The following CEP290 variants were observed in gnomAD, a reference collection of about 807,000 sequenced individuals.
CEP290 encodes the protein centrosomal protein of 290 kDa.
Under a neutral mutation model 344.9 loss-of-function variants are expected in CEP290, and 317 were observed. The observed-to-expected ratio is 0.92, with a 90% CI of 0.84 to 1.01. The LOEUF (loss-of-function observed/expected upper bound fraction) is 1.01. Ranked by LOEUF, CEP290 falls within the 50% of genes least tolerant of loss-of-function variation. CEP290 has a pLI of 0.00. For missense variants in CEP290, 2,754 were observed against 2,761.4 expected, an observed-to-expected ratio of 1.00 and a Z score of 0.06; for synonymous variants, 932 against 895.8, an observed-to-expected ratio of 1.04 and a Z score of -0.72.
In CEP290 at chr12:88,141,240, T is replaced by A. The variant is rs757919599; in HGVS notation, c.68A>T (p.Glu23Val). ...GGAAATCAATAAATTATCTGCCAGT[T>A]CTTCTTGACGGGGCAGGTCATCTGG... ...VDPDDLPRQE[E>V]LADNLLISLS... is the part of the protein sequence containing the mutation. Residue 23 changes from glutamate to valine, a missense_variant, in exon 2 of 54, where the codon GAA becomes GTA. Coordinates refer to ENST00000552810, the MANE Select transcript of CEP290 (RefSeq NM_025114.4). 1.6e-5 allele frequency: 25 copies of A among 1,610,856 alleles called. No individual in the cohort carries two copies. Among genetic ancestry groups the A allele is most frequent in the Non-Finnish European group, 1.7e-6 (2 of 1,178,926 alleles).
rs181802976 is a variant in CEP290 at position 88,094,726 on chromosome 12, C to T, written c.3104-751G>A. Among the ~76,000 whole-genome samples, 652 of 151,792 alleles carry T rather than the reference C, an allele frequency of 4.3e-3. 5 individuals are homozygous for T. Among genetic ancestry groups the T allele is most frequent in the Admixed American group, 8.9e-3 (135 of 15,238 alleles). On this transcript the variant is annotated intron_variant, in intron 27 of 53. Coordinates refer to ENST00000552810, the MANE Select transcript of CEP290 (RefSeq NM_025114.4). ...TTGTAAACATGGTCTAGAAAAAAAA[C>T]AAAATTTGGTAGAGTGTTTTGCTTT...
intron 10 of CEP290, among the ~76,000 whole-genome samples, 163 bp from the exon 11 acceptor site, chr12:88,129,198 G>A (rs1429577783): frequency 6.6e-6 from 1 of 151,574 alleles, no homozygotes; most frequent in Admixed American, 6.6e-5. Context: ...CATTACATAT[G>A]TGTATTTATC....
At chr12:88,134,442 T>C (rs1316729669) in intron 6 of CEP290, among the ~76,000 whole-genome samples, 1 of 152,216 alleles carries the variant, frequency 6.6e-6, no homozygotes, top group Non-Finnish European at 1.5e-5. Context: ...ACTTTTAAAG[T>C]ATAGATCTGA....
rs527259626 is a variant in CEP290, at chr12:88,082,109, T to C, written c.5012+922A>G. ...GGAATTATAAGTCAAGCAGTTCAAT[T>C]TTCTCATGTTTTTTCAGATAATAAA... is the stretch of plus-strand genomic sequence containing the variant. On this transcript the variant is annotated intron_variant, in intron 37 of 53. Coordinates refer to ENST00000552810, the MANE Select transcript of CEP290 (RefSeq NM_025114.4). 1.4e-4 allele frequency among the ~76,000 whole-genome samples: 22 copies of C among 152,286 alleles called. No homozygotes were observed. In the South Asian group the frequency reaches 3.1e-3, roughly 22 times the overall value.
intron 46 of CEP290, 37 bp downstream of exon 46, chr12:88,062,655 T>C (rs1169798979): frequency 7.0e-7 from 1 of 1,427,818 alleles, no homozygotes; most frequent in Non-Finnish European, 9.8e-7. Flanking sequence ...TTATCACTGC[T>C]GAAACCAAAA....
chr12:88,055,527 G>C, intron 50 of CEP290, 49 bp downstream of exon 50: 1 of 1,460,998 alleles, frequency 6.8e-7, no homozygotes, highest in East Asian at 2.4e-5. Flanking sequence ...GGAACATCTT[G>C]CGATATTATG....
At chr12:88,073,778 A>C (rs188434009) in intron 41 of CEP290, among the ~76,000 whole-genome samples, 8 of 152,302 alleles carry the variant, frequency 5.3e-5, no homozygotes, top group African/African-American at 1.9e-4. Context: ...AAAATTAAAA[A>C]AATATGAAAT....
intron 26 of CEP290, among the ~76,000 whole-genome samples, chr12:88,100,829 AAAC>A (rs1337280485): frequency 6.6e-6 from 1 of 152,232 alleles, no homozygotes; most frequent in African/African-American, 2.4e-5. Flanking sequence ...TCACTGAGCA[AAAC>A]AACTGGAAGA....
rs543969250 is a variant in CEP290 at position 88,055,344 on chromosome 12, A to G, written c.6960+232T>C. On this transcript the variant is annotated intron_variant, in intron 50 of 53. Coordinates refer to ENST00000552810, the MANE Select transcript of CEP290 (RefSeq NM_025114.4). Reference sequence around the variant, plus strand: ...ACCAAGAAGTGGTCATATTTAGGATATAGTTTGAAAATAGAGCTGACATGA... The same window carrying G: ...ACCAAGAAGTGGTCATATTTAGGATGTAGTTTGAAAATAGAGCTGACATGA... Among the ~76,000 whole-genome samples the G allele has an allele frequency of 8.5e-5, 13 of 152,240 alleles. 1 individual carries two copies. In the South Asian group the frequency reaches 2.1e-3, roughly 24 times the overall value.
At chr12:88,105,824 C>T (rs553806711) in intron 25 of CEP290, among the ~76,000 whole-genome samples, 1 of 152,138 alleles carries the variant, frequency 6.6e-6, no homozygotes, top group Non-Finnish European at 1.5e-5. Context: ...CTCACTGCAG[C>T]CCCCAACTTC....
In CEP290 at chr12:88,054,332, T is replaced by C. The variant is rs1209334887; in HGVS notation, c.7034+8A>G. The stretch of plus-strand genomic sequence containing the variant: ...AAAACAAAGTAGTCATATGAATACA[T>C]GATGTACCTAAGAACTTGAAGCTCC... On this transcript the variant is annotated splice_region_variant and intron_variant, in intron 51 of 53. Transcript: ENST00000552810. 2 of 1,578,308 alleles carry C rather than the reference T, an allele frequency of 1.3e-6. No homozygotes were observed. Among genetic ancestry groups the C allele is most frequent in the Non-Finnish European group, 1.7e-6 (2 of 1,157,252 alleles).
At chr12:88,053,111 C>T (rs1366569245) in intron 52 of CEP290, among the ~76,000 whole-genome samples, 2 of 151,954 alleles carry the variant, frequency 1.3e-5, no homozygotes, top group African/African-American at 2.4e-5. Context: ...AGGATATGTA[C>T]ATTGTACATA....
At chr12:88,124,505 C>T (rs536246325) in intron 13 of CEP290, among the ~76,000 whole-genome samples, 3 of 152,148 alleles carry the variant, frequency 2.0e-5, no homozygotes, top group African/African-American at 7.2e-5. Flanking sequence ...TGCACGGAAT[C>T]ACTATTTCTT....
chr12:88,050,334 A>G lies in CEP290; in HGVS notation c.7209+20T>C. ...ACAGCTGTTTTCACAAAACGATACT[A>G]AAATATAATTAAATATTACCTTCAA... On this transcript the variant is annotated intron_variant, in intron 53 of 53. Transcript: ENST00000552810. 7.9e-7 allele frequency: 1 copy of G among 1,271,900 alleles called. No homozygotes were observed. Among genetic ancestry groups the G allele is most frequent in the Non-Finnish European group, 1.1e-6 (1 of 889,192 alleles). 78.8% of individuals were successfully genotyped at this position (1,271,900 alleles called of 1,614,324 possible).
At chr12:88,121,783 T>C (rs2137934518) in intron 13 of CEP290, among the ~76,000 whole-genome samples, 1 of 152,206 alleles carries the variant, frequency 6.6e-6, no homozygotes, top group South Asian at 2.1e-4. Flanking sequence ...ATAGGGGATA[T>C]TTGAGCATCT....
intron 50 of CEP290, among the ~76,000 whole-genome samples, chr12:88,054,925 C>T (rs894587388): frequency 4.6e-5 from 7 of 151,992 alleles, no homozygotes; most frequent in African/African-American, 1.2e-4. Context: ...AAGGACTTGA[C>T]GCTTAAACGA....
At chr12:88,067,362 G>A (rs1241103104) in intron 44 of CEP290, among the ~76,000 whole-genome samples, 2 of 152,058 alleles carry the variant, frequency 1.3e-5, no homozygotes, top group South Asian at 2.1e-4. Flanking sequence ...ATATATGTAC[G>A]TAAGCTACTT....
intron 13 of CEP290, among the ~76,000 whole-genome samples, chr12:88,121,689 C>T (rs1448761744): frequency 6.6e-6 from 1 of 151,834 alleles, no homozygotes; most frequent in Non-Finnish European, 1.5e-5. Context: ...TAGCTGAAAT[C>T]CACATGGATA....
chr12:88,100,655 T>C (rs561888428), intron 26 of CEP290, among the ~76,000 whole-genome samples: 12 of 152,256 alleles, frequency 7.9e-5, no homozygotes, highest in African/African-American at 2.9e-4. Context: ...AAGACAGATA[T>C]GTAAACACAT....
Sources: gnomAD v4.1 joint callset for allele counts (sites outside exome capture counted in the v4.1 genomes callset) on GRCh38, gnomAD v4.1.1 for gene constraint, MANE v1.5 for transcripts, NCBI Gene and HGNC (gene_info 2026-07-23, HGNC 2026-07-21) for gene names.